Variants in CASD1 observed in about 807,000 individuals in gnomAD.
CASD1 encodes N-acetylneuraminate (7)9-O-acetyltransferase.
Under a neutral mutation model 100.0 loss-of-function variants are expected in CASD1, and 41 were observed. The observed-to-expected ratio is 0.41, with a 90% CI of 0.32 to 0.53. The LOEUF (loss-of-function observed/expected upper bound fraction) is 0.53. Ranked by LOEUF, CASD1 falls within the 20% of genes least tolerant of loss-of-function variation. CASD1 has a pLI of 0.25. For missense variants in CASD1, 774 were observed against 948.7 expected (o/e 0.82, Z 2.42); for synonymous variants, 321 against 315.6 (o/e 1.02, Z -0.18).
intron 16 of CASD1, among the ~76,000 whole-genome samples, chr7:94,552,671 T>G (rs1796007124): frequency 6.6e-6 from 1 of 152,204 alleles, no homozygotes; most frequent in South Asian, 2.1e-4. Flanking sequence ...AAATGGTGGC[T>G]CACGCCTGTA....
At chr7:94,599,367 G>A in the CASD1 span, 3 of 312,186 alleles carry the variant, frequency 9.6e-6, no homozygotes, top group Non-Finnish European at 1.7e-5. Context: ...GTAGATTCTG[G>A]AAAACTTGTA....
Position 94,535,391 on chromosome 7 carries a change from C to T in CASD1, c.711C>T (p.Val237=). The T allele has an allele frequency of 6.2e-7, 1 of 1,613,138 alleles. No individual in the cohort carries two copies. Among genetic ancestry groups the T allele is most frequent in the Non-Finnish European group, 8.5e-7 (1 of 1,179,358 alleles). ...EKIDAYNEAA[V]SILNSSTRNS... ...TAGATGCTTACAATGAAGCTGCAGTCAGTATTTTGAATAGTAGCACCAGAA... is the reference window on the plus strand; with the variant it reads ...TAGATGCTTACAATGAAGCTGCAGTTAGTATTTTGAATAGTAGCACCAGAA... Residue 237 remains valine, a synonymous_variant, in exon 8 of 18, where the codon GTC becomes GTT. Transcript: ENST00000297273.
the CASD1 span, among the ~76,000 whole-genome samples, chr7:94,579,467 A>G: frequency 6.6e-6 from 1 of 152,212 alleles, no homozygotes; most frequent in African/African-American, 2.4e-5. Context: ...TCCTTGGAGC[A>G]AATGAACAAC....
chr7:94,537,778 T>C lies in CASD1; in HGVS notation c.1150T>C (p.Cys384Arg). Residue 384 changes from cysteine (C) to arginine (R), a missense_variant, in exon 9 of 18, where the codon TGT (cysteine) becomes CGT (arginine). Cys to Arg is a radical substitution (Grantham distance 180). Coordinates refer to ENST00000297273, the MANE Select transcript of CASD1 (RefSeq NM_022900.5). ...CCTGATTATGGCATATTTCTATATG[T>C]GTGACCGTGCAAATCTGTTCATGAA... ...LGLIMAYFYM[C>R]DRANLFMKEN... is the part of the protein sequence containing the mutation. The C allele has an allele frequency of 6.2e-7, 1 of 1,613,552 alleles. No homozygotes were observed. The highest frequency in any genetic ancestry group is 1.1e-5 in the South Asian group (1 of 91,070).
At chr7:94,581,748 A>G in the CASD1 span, among the ~76,000 whole-genome samples, 2 of 152,084 alleles carry the variant, frequency 1.3e-5, no homozygotes, top group East Asian at 1.9e-4. Flanking sequence ...GTGTATATGT[A>G]CCACATTTTC....
chr7:94,600,187 T>G, the CASD1 span: 1 of 186,252 alleles, frequency 5.4e-6, no homozygotes, highest in Non-Finnish European at 1.1e-5. Flanking sequence ...AATTTACTCC[T>G]AAGTTGGGTT....
intron 10 of CASD1, among the ~76,000 whole-genome samples, chr7:94,542,242 AGAGT>A (rs753679534): frequency 2.0e-5 from 3 of 152,196 alleles, no homozygotes; most frequent in Admixed American, 6.5e-5. Flanking sequence ...ATCAGATATA[AGAGT>A]GAGTTAGCTC....
rs776596048 is a variant in CASD1, at chr7:94,555,757, A to G, written c.2393A>G (p.Ter798TrpextTer28). The change falls in exon 18 of 18, where the codon TAG becomes TGG. Residue 798 changes from the stop codon to tryptophan, a stop_lost. Transcript: ENST00000297273. ...TCCATTCAAGATAAATCAAAACATT[A>G]GGTTCCAAAAATTCTAAAAAACCTA... ...LSSIQDKSKH* is the reference protein window; with the variant it reads ...LSSIQDKSKHW 1.2e-6 allele frequency: 2 copies of G among 1,608,284 alleles called. No individual in the cohort carries two copies. The highest frequency in any genetic ancestry group is 3.4e-5 in the Admixed American group (2 of 59,150).
chr7:94,628,489 AAACCCATCTGGG>A, the CASD1 span: 189 of 674,250 alleles, frequency 2.8e-4, no homozygotes, highest in Non-Finnish European at 3.4e-4. Flanking sequence ...CACACATACA[AAACCCATCTGGG>A]AATTTAAATT....
the CASD1 span, among the ~76,000 whole-genome samples, chr7:94,563,343 A>T: frequency 3.9e-5 from 6 of 152,146 alleles, no homozygotes; most frequent in Non-Finnish European, 8.8e-5. Context: ...TAAGCTCTGG[A>T]AAACTCTTAT....
At chr7:94,598,844 C>G in the CASD1 span, 1 of 1,613,344 alleles carries the variant, frequency 6.2e-7, no homozygotes, top group Non-Finnish European at 8.5e-7. Flanking sequence ...TATGATTTCC[C>G]CAGTCACAGG....
At chr7:94,513,426 A>G (rs937355017) in intron 1 of CASD1, among the ~76,000 whole-genome samples, 10 of 151,542 alleles carry the variant, frequency 6.6e-5, no homozygotes, top group African/African-American at 2.4e-4. Context: ...TTTGTTACCT[A>G]TGTTTTTTCC....
chr7:94,627,964 TA>T, the CASD1 span: 4 of 494,942 alleles, frequency 8.1e-6, no homozygotes, highest in Non-Finnish European at 1.4e-5. Context: ...TTTAAGGTCA[TA>T]TTTTTTTCAC....
At chr7:94,600,603 T>G in the CASD1 span, 1 of 1,410,398 alleles carries the variant, frequency 7.1e-7, no homozygotes, top group Non-Finnish European at 1.0e-6. Context: ...TGTTGTTATC[T>G]TAGCAGGATC....
chr7:94,623,253 T>A, the CASD1 span: 10 of 936,072 alleles, frequency 1.1e-5, no homozygotes, highest in Non-Finnish European at 1.5e-5. Context: ...CTTGACTATA[T>A]TTTATGTAGT....
At chr7:94,618,525 T>C in the CASD1 span, 2 of 508,990 alleles carry the variant, frequency 3.9e-6, no homozygotes, top group Admixed American at 3.6e-5. Context: ...TAATTTATGA[T>C]GCTGATCCTC....
rs768269440 is a variant in CASD1 at position 94,544,531 on chromosome 7, G to A, written c.1476+1G>A. On this transcript the variant is annotated splice_donor_variant, in intron 11 of 17. Coordinates refer to ENST00000297273, the MANE Select transcript of CASD1 (RefSeq NM_022900.5). LOFTEE classifies it high-confidence loss of function. Reference sequence around the variant, plus strand: ...TTTTGGAATCTATAGAGTATGTCAGGTAGGAATGCACTGTTATTTCCTTTT... The same window carrying A: ...TTTTGGAATCTATAGAGTATGTCAGATAGGAATGCACTGTTATTTCCTTTT... The A allele has an allele frequency of 6.2e-7, 1 of 1,610,754 alleles. No homozygotes were observed. Among genetic ancestry groups the A allele is most frequent in the Non-Finnish European group, 8.5e-7 (1 of 1,178,712 alleles).
intron 3 of CASD1, among the ~76,000 whole-genome samples, chr7:94,525,107 A>G (rs1055072307): frequency 2.1e-5 from 3 of 143,246 alleles, no homozygotes; most frequent in Admixed American, 7.1e-5. Context: ...TAGTTCAGCA[A>G]AAGAGAAAAA....
the CASD1 span, chr7:94,625,826 T>C: frequency 1.3e-5 from 2 of 152,090 alleles, no homozygotes; most frequent in Non-Finnish European, 2.9e-5. Context: ...CTTTCCAGTG[T>C]TGTGCTATAC....
Sources: allele counts gnomAD v4.1 joint callset (sites outside exome capture counted in the v4.1 genomes callset), GRCh38; gene constraint gnomAD v4.1.1; transcripts MANE v1.5; gene names NCBI Gene and HGNC (gene_info 2026-07-23, HGNC 2026-07-21).